Variants in SRP68 observed in about 807,000 individuals in gnomAD.
SRP68 encodes signal recognition particle subunit SRP68.
A neutral mutation model predicts 82.2 loss-of-function variants in SRP68; 15 were observed. The ratio of observed to expected loss-of-function variants is 0.18; its 90% CI spans 0.12 to 0.28. The LOEUF is 0.28. SRP68 is among the 10% of genes least tolerant of loss of function. The pLI, the probability that SRP68 is intolerant of heterozygous loss-of-function variation, is 1.00. For synonymous variants in SRP68, 261 were observed against 292.6 expected (o/e 0.89, Z 1.10); for missense variants, 595 against 780.5 (o/e 0.76, Z 2.83).
chr17:76,059,717 C>T (rs928714858), intron 7 of SRP68, among the ~76,000 whole-genome samples: 4 of 144,290 alleles, frequency 2.8e-5, no homozygotes, highest in African/African-American at 1.0e-4. Context: ...GAGGCCGAGG[C>T]GGGCAGATCA....
At chr17:76,047,875 T>C in intron 10 of SRP68, 31 bp downstream of exon 10, 1 of 1,256,776 alleles carries the variant, frequency 8.0e-7, no homozygotes, top group South Asian at 1.8e-5. Context: ...TTAATAATAT[T>C]AAAAAGTAAA....
chr17:76,066,644 T>G (rs2066809170), intron 3 of SRP68, among the ~76,000 whole-genome samples: 1 of 150,450 alleles, frequency 6.6e-6, no homozygotes, highest in African/African-American at 2.4e-5. Context: ...AAGCAGAGTT[T>G]AATAGGCAAG....
intron 7 of SRP68, among the ~76,000 whole-genome samples, chr17:76,058,176 G>A (rs1186460638): frequency 6.7e-5 from 10 of 149,926 alleles, no homozygotes; most frequent in Middle Eastern, 3.5e-3. Flanking sequence ...TTTTTGAGAC[G>A]GAGTTTTGCT....
At chr17:76,055,919 T>C (rs1282376559) in intron 8 of SRP68, among the ~76,000 whole-genome samples, 2 of 150,788 alleles carry the variant, frequency 1.3e-5, no homozygotes. Flanking sequence ...GTGATCCTCT[T>C]GCCTCAGCCT....
intron 4 of SRP68, among the ~76,000 whole-genome samples, chr17:76,063,118 G>T (rs1047594118): frequency 6.6e-6 from 1 of 151,904 alleles, no homozygotes; most frequent in Non-Finnish European, 1.5e-5. Context: ...AGAGAAATAC[G>T]TATTTAACCA....
Position 76,039,951 on chromosome 17 carries a change from G to C in SRP68, c.1657-18C>G. On this transcript the variant is annotated intron_variant, in intron 15 of 15. Coordinates refer to ENST00000307877, the MANE Select transcript of SRP68 (RefSeq NM_014230.4). ...ACCAGAGGCTGGAAGTCAAATCAAA[G>C]AGACGTATGTAGCATCGGTCACAGA... is the stretch of plus-strand genomic sequence containing the variant. 6.2e-7 allele frequency: 1 copy of C among 1,612,740 alleles called. No homozygotes were observed. Among genetic ancestry groups the C allele is most frequent in the South Asian group, 1.1e-5 (1 of 90,898 alleles).
chr17:76,040,496 A>C (rs2066581429), intron 14 of SRP68, 22 bp from the exon 15 acceptor site: 1 of 1,610,572 alleles, frequency 6.2e-7, no homozygotes. Context: ...ACAGGGATTC[A>C]GTAAGAACAA....
intron 8 of SRP68, among the ~76,000 whole-genome samples, chr17:76,055,195 G>C (rs2066704087): frequency 6.6e-6 from 1 of 151,930 alleles, no homozygotes; most frequent in African/African-American, 2.4e-5. Context: ...TCGAACTCCT[G>C]ATCTCAGGTA....
chr17:76,061,984 A>T (rs981043714), intron 4 of SRP68, among the ~76,000 whole-genome samples: 3 of 150,094 alleles, frequency 2.0e-5, no homozygotes, highest in South Asian at 2.1e-4. Flanking sequence ...ACCAAAAATT[A>T]AAAAAAAATT....
rs968661806 is a variant in SRP68, at chr17:76,040,661, C to A, written c.1601-187G>T. On this transcript the variant is annotated intron_variant, in intron 14 of 15. Transcript: ENST00000307877. ...AGATCAATCCCAGATCCAATGCCGT[C>A]GGCCCAGTGAAGCCAGCACAGTTGC... is the stretch of plus-strand genomic sequence containing the variant. 4 of 685,480 alleles carry A rather than the reference C, an allele frequency of 5.8e-6. No individual in the cohort carries two copies. The Admixed American group carries it at 9.7e-5, about 17-fold the overall frequency. The allele number at this position is 685,480 out of a possible 1,614,324, so 42.5% of individuals were successfully genotyped here.
chr17:76,053,731 CT>C, intron 8 of SRP68: 3 of 806,118 alleles, frequency 3.7e-6, no homozygotes, highest in African/African-American at 1.9e-5. Context: ...GACCACTAAT[CT>C]CTGAAGGAGA....
At chr17:76,053,125 T>G (rs927428178) in intron 8 of SRP68, among the ~76,000 whole-genome samples, 2 of 150,948 alleles carry the variant, frequency 1.3e-5, no homozygotes, top group African/African-American at 4.9e-5. Context: ...ATTAGCCAGG[T>G]GTGGTGGTGC....
At position 76,072,495 on chromosome 17, in the gene SRP68, G is replaced by A. The variant is rs773407221; in HGVS notation, c.-4C>T. ...GGACCTGCTTCTCAGCAGCCATCTT[G>A]CCCCTGCGCCGCAGAGCAAGACGGG... On this transcript the variant is annotated 5_prime_UTR_variant, in exon 1 of 16. Transcript: ENST00000307877. This position sits in a 1 kb window ranked among gnomAD's most constrained non-coding sequence, Gnocchi z 4.5. The A allele has an allele frequency of 4.4e-6, 7 of 1,582,228 alleles. No homozygotes were observed. Among genetic ancestry groups the A allele is most frequent in the Middle Eastern group, 2.0e-4 (1 of 5,108 alleles).
chr17:76,064,835 C>A, intron 3 of SRP68, among the ~76,000 whole-genome samples: 1 of 119,698 alleles, frequency 8.4e-6, no homozygotes, highest in Admixed American at 9.2e-5. Flanking sequence ...GGCAAGACTC[C>A]ATCTCAAAAA....
chr17:76,062,587 A>ATATAATATATAATATACATTATATAT (rs1567934803), intron 4 of SRP68, among the ~76,000 whole-genome samples: 3 of 31,222 alleles, frequency 9.6e-5, no homozygotes, highest in African/African-American at 2.2e-4. Context: ...ACATTATATA[A>ATATAATATATAATATACATTATATAT]TATATAATAT....
chr17:76,071,939 C>A lies in SRP68; in HGVS notation c.184+369G>T. The A allele has an allele frequency of 3.0e-6, 1 of 333,668 alleles. No homozygotes were observed. Among genetic ancestry groups the A allele is most frequent in the Non-Finnish European group, 5.5e-6 (1 of 181,446 alleles). 20.7% of individuals were successfully genotyped at this position (333,668 alleles called of 1,614,324 possible). A position where few individuals can be genotyped will look rare whatever the true frequency, so the allele number is the denominator to read the frequency against. On this transcript the variant is annotated intron_variant, in intron 1 of 15. Coordinates refer to ENST00000307877, the MANE Select transcript of SRP68 (RefSeq NM_014230.4). The surrounding 1 kb of genome is among the most constrained non-coding windows in gnomAD (Gnocchi z 4.7). ...ACGACTGTCAGACAAGAGTATTAAG[C>A]CAAATGTCAAGACTGCAGTTTCCTC...
At chr17:76,041,486 C>A (rs189711267) in intron 13 of SRP68, 259 of 152,758 alleles carry the variant, frequency 1.7e-3, no homozygotes, top group Non-Finnish European at 3.2e-3. Flanking sequence ...TGGCCTCGGT[C>A]TCTTGCTTGG....
chr17:76,053,728 A>T lies in SRP68; in HGVS notation c.979-3202T>A, dbSNP rs563187594. ...CCACACTGCAATGACTCAGACCACT[A>T]ATCTCTGAAGGAGAAGCTCTCATGA... is the stretch of plus-strand genomic sequence containing the variant. On this transcript the variant is annotated intron_variant, in intron 8 of 15. Coordinates refer to ENST00000307877, the MANE Select transcript of SRP68 (RefSeq NM_014230.4). The T allele has an allele frequency of 6.1e-6, 5 of 826,274 alleles. No individual in the cohort carries two copies. In the South Asian group the frequency reaches 2.2e-4, roughly 37 times the overall value. The allele number at this position is 826,274 out of a possible 1,614,324, so 51.2% of individuals were successfully genotyped here. A position where few individuals can be genotyped will look rare whatever the true frequency, so the allele number is the denominator to read the frequency against.
At chr17:76,057,016 C>T (rs1426933508) in intron 8 of SRP68, among the ~76,000 whole-genome samples, 1 of 152,130 alleles carries the variant, frequency 6.6e-6, no homozygotes, top group African/African-American at 2.4e-5. Flanking sequence ...CCTGCAAAGC[C>T]CCAGGACTAA....
Sources: gnomAD v4.1 joint callset for allele counts (sites outside exome capture counted in the v4.1 genomes callset) on GRCh38, gnomAD v4.1.1 for gene constraint, Gnocchi (gnomAD v3.1) non-coding constraint, MANE v1.5 for transcripts, NCBI Gene and HGNC (gene_info 2026-07-23, HGNC 2026-07-21) for gene names.